The following CPVL variants were observed in gnomAD, a reference collection of about 807,000 sequenced individuals.
CPVL encodes probable serine carboxypeptidase CPVL.
Under a neutral mutation model 63.7 loss-of-function variants are expected in CPVL, and 51 were observed. The ratio of observed to expected loss-of-function variants is 0.80; its 90% CI spans 0.64 to 1.01. CPVL has a LOEUF of 1.01. Ranked by LOEUF, CPVL falls within the 50% of genes least tolerant of loss-of-function variation. The pLI, the probability that CPVL is intolerant of heterozygous loss-of-function variation, is 0.00. For synonymous variants in CPVL, 195 were observed against 206.0 expected, an observed-to-expected ratio of 0.95 and a Z score of 0.46; for missense variants, 530 against 573.1, an observed-to-expected ratio of 0.92 and a Z score of 0.77.
chr7:29,111,280 G>C (rs1788196811), intron 3 of CPVL, among the ~76,000 whole-genome samples: 1 of 152,178 alleles, frequency 6.6e-6, no homozygotes, highest in Admixed American at 6.5e-5. Context: ...GACTGGGAAG[G>C]CCTATTATCA....
intron 11 of CPVL, among the ~76,000 whole-genome samples, chr7:29,061,469 G>A (rs925378929): frequency 5.9e-5 from 9 of 152,120 alleles, no homozygotes; most frequent in Admixed American, 5.2e-4. Context: ...GGAATTCATA[G>A]TGGTAAGTTT....
chr7:29,170,951 C>A (rs1796522089), intron 5 of CPVL, among the ~76,000 whole-genome samples: 1 of 152,126 alleles, frequency 6.6e-6, no homozygotes, highest in African/African-American at 2.4e-5. Context: ...AGACCTGCCC[C>A]CATGCTTCAA....
intron 9 of CPVL, among the ~76,000 whole-genome samples, chr7:29,070,602 A>G (rs144219559): frequency 0.013 from 1,998 of 152,308 alleles, 23 homozygotes; most frequent in Admixed American, 0.023. Context: ...TTACAATTGC[A>G]TAAGAAATTC....
chr7:29,152,920 G>A (rs1793803646), intron 5 of CPVL, among the ~76,000 whole-genome samples: 1 of 152,194 alleles, frequency 6.6e-6, no homozygotes, highest in Non-Finnish European at 1.5e-5. Context: ...ATGTCCACAA[G>A]CTTGCTTCCA....
intron 4 of CPVL, among the ~76,000 whole-genome samples, chr7:29,182,469 A>C (rs912603008): frequency 2.0e-5 from 3 of 152,244 alleles, no homozygotes; most frequent in Admixed American, 2.0e-4. Context: ...AATATTCTTC[A>C]GACATTTTCA....
chr7:29,120,857 T>C (rs1159551902), intron 2 of CPVL, 36 bp downstream of exon 2: 1 of 1,458,290 alleles, frequency 6.9e-7, no homozygotes, highest in African/African-American at 1.4e-5. Context: ...GTTGAACTCA[T>C]GCCAGTGGTT....
At chr7:29,019,770 T>A (rs924727405) in intron 12 of CPVL, among the ~76,000 whole-genome samples, 5 of 152,048 alleles carry the variant, frequency 3.3e-5, no homozygotes, top group African/African-American at 1.2e-4. Context: ...CACACGGGAG[T>A]GCTTTTCCCT....
intron 7 of CPVL, among the ~76,000 whole-genome samples, chr7:29,084,569 A>G (rs1785033449): frequency 6.6e-6 from 1 of 152,130 alleles, no homozygotes; most frequent in African/African-American, 2.4e-5. Context: ...GTTGTTTTTC[A>G]GTGTTATTCA....
Position 29,112,803 on chromosome 7 carries a change from G to A in CPVL, c.189C>T (p.Val63=), listed in dbSNP as rs568431395. Residue 63 remains valine (V), a synonymous_variant, in exon 3 of 13, where the codon GTC becomes GTT. Coordinates refer to ENST00000265394, the MANE Select transcript of CPVL (RefSeq NM_031311.5). ...KIQKGRELSL[V]GPFPGLNMKS... ...TCATGTTCAGTCCTGGGAAAGGGCC[G>A]ACCAAACTCAATTCTCTTCCTAGTG... 5.0e-5 allele frequency: 81 copies of A among 1,612,768 alleles called. No individual in the cohort carries two copies. Among genetic ancestry groups the A allele is most frequent in the South Asian group, 1.9e-4 (17 of 91,012 alleles).
intron 11 of CPVL, among the ~76,000 whole-genome samples, chr7:29,051,317 C>T (rs762959404): frequency 6.6e-6 from 1 of 152,104 alleles, no homozygotes. Context: ...AACAGACAAC[C>T]CACAGAGTGG....
intron 5 of CPVL, among the ~76,000 whole-genome samples, chr7:29,152,590 C>T (rs1793744730): frequency 6.6e-6 from 1 of 152,156 alleles, no homozygotes; most frequent in Admixed American, 6.5e-5. Context: ...TATAAATTGC[C>T]TGGGCTTAGT....
chr7:29,045,522 G>C (rs1789525908), intron 11 of CPVL, among the ~76,000 whole-genome samples: 1 of 152,158 alleles, frequency 6.6e-6, no homozygotes, highest in African/African-American at 2.4e-5. Context: ...CCTCCTCCCA[G>C]AAGTTTTCGT....
At chr7:29,119,575 A>AAT (rs769313742) in intron 2 of CPVL, among the ~76,000 whole-genome samples, 19 of 152,264 alleles carry the variant, frequency 1.2e-4, no homozygotes, top group Middle Eastern at 3.4e-3. Context: ...TCCTATTGGT[A>AAT]ATAACAATAG....
intron 12 of CPVL, among the ~76,000 whole-genome samples, chr7:29,022,824 C>T (rs1478027056): frequency 1.3e-5 from 2 of 152,198 alleles, no homozygotes; most frequent in East Asian, 3.9e-4. Context: ...CACATCCACA[C>T]CTGGGGGTGC....
In CPVL at chr7:29,095,068, G is replaced by A; in HGVS notation, c.462+16C>T. On this transcript the variant is annotated intron_variant, in intron 5 of 12. Transcript: ENST00000265394. ...GACGCCAGCACTGACAGCTCACAGG[G>A]TCATCCCGGACTTACTGGATTGTCA... 6.2e-7 allele frequency: 1 copy of A among 1,607,790 alleles called. No homozygotes were observed. The highest frequency in any genetic ancestry group is 8.5e-7 in the Non-Finnish European group (1 of 1,174,280).
At chr7:29,168,493 T>G (rs998456341) in intron 5 of CPVL, among the ~76,000 whole-genome samples, 1 of 152,226 alleles carries the variant, frequency 6.6e-6, no homozygotes, top group South Asian at 2.1e-4. Context: ...GCATCTGTAA[T>G]CTCTACCCAT....
chr7:29,068,669 G>C (rs915353995), intron 9 of CPVL, among the ~76,000 whole-genome samples: 11 of 151,640 alleles, frequency 7.3e-5, no homozygotes, highest in South Asian at 6.3e-4. Context: ...CACCACAGAG[G>C]AGGTGTCTTT....
intron 12 of CPVL, among the ~76,000 whole-genome samples, chr7:28,997,792 G>A (rs1784234729): frequency 6.6e-6 from 1 of 152,118 alleles, no homozygotes; most frequent in African/African-American, 2.4e-5. Flanking sequence ...AGCCCTCTGA[G>A]GTTTATTGAT....
intron 1 of CPVL, among the ~76,000 whole-genome samples, chr7:29,188,146 A>G (rs1423826076): frequency 6.6e-6 from 1 of 152,244 alleles, no homozygotes; most frequent in African/African-American, 2.4e-5. Flanking sequence ...TGAGCACGCT[A>G]TACTTTGCTC....
Sources: allele counts gnomAD v4.1 joint callset (sites outside exome capture counted in the v4.1 genomes callset), GRCh38; gene constraint gnomAD v4.1.1; transcripts MANE v1.5; gene names NCBI Gene and HGNC (gene_info 2026-07-23, HGNC 2026-07-21).